Variants in DTNA observed in about 807,000 individuals in gnomAD.
DTNA encodes dystrophin-related protein 3.
Under a neutral mutation model 100.7 loss-of-function variants are expected in DTNA, and 43 were observed. That is an observed-to-expected ratio of 0.43 (90% CI 0.33 to 0.55). The LOEUF is 0.55. Ranked by LOEUF, DTNA falls within the 20% of genes least tolerant of loss-of-function variation. The probability of loss-of-function intolerance (pLI) is 0.04; values close to 1 mark genes in which losing one functional copy is unlikely to be tolerated. For missense variants in DTNA, 798 were observed against 953.9 expected, an observed-to-expected ratio of 0.84 and a Z score of 2.15; for synonymous variants, 349 against 347.9, an observed-to-expected ratio of 1.00 and a Z score of -0.04.
intron 12 of DTNA, 21 bp downstream of exon 12, chr18:34,838,192 A>G (rs369835184): frequency 1.2e-6 from 2 of 1,612,792 alleles, no homozygotes; most frequent in African/African-American, 2.7e-5. Flanking sequence ...GCCAGAGTGT[A>G]CTGGAACCCT....
At chr18:34,517,087 C>G (rs2041696331) in intron 1 of DTNA, among the ~76,000 whole-genome samples, 2 of 152,040 alleles carry the variant, frequency 1.3e-5, no homozygotes, top group African/African-American at 4.8e-5. Context: ...AATTTATGTT[C>G]TTCTGCCATG....
At chr18:34,798,836 A>T (rs1034206760) in intron 4 of DTNA, among the ~76,000 whole-genome samples, 1 of 152,194 alleles carries the variant, frequency 6.6e-6, no homozygotes, top group Non-Finnish European at 1.5e-5. Flanking sequence ...ATGATTTTCC[A>T]GTAGAGGAGA....
intron 6 of DTNA, among the ~76,000 whole-genome samples, chr18:34,814,124 G>A (rs1301883059): frequency 6.6e-6 from 1 of 152,068 alleles, no homozygotes; most frequent in Non-Finnish European, 1.5e-5. Flanking sequence ...ATCTGTTAAT[G>A]TTATTCTTGT....
chr18:34,580,379 G>T (rs2048499845), intron 1 of DTNA, among the ~76,000 whole-genome samples: 1 of 151,782 alleles, frequency 6.6e-6, no homozygotes, highest in Non-Finnish European at 1.5e-5. Flanking sequence ...TTTTATAATT[G>T]TTTATTGTAT....
intron 17 of DTNA, among the ~76,000 whole-genome samples, chr18:34,869,633 G>T (rs1447431651): frequency 6.6e-6 from 1 of 152,178 alleles, no homozygotes; most frequent in Non-Finnish European, 1.5e-5. Flanking sequence ...CTATATGAGT[G>T]CAATGAAACA....
At chr18:34,549,113 T>C (rs547046322) in intron 1 of DTNA, among the ~76,000 whole-genome samples, 1 of 152,176 alleles carries the variant, frequency 6.6e-6, no homozygotes, top group East Asian at 1.9e-4. Flanking sequence ...TCACCCTCTT[T>C]CCCTTTCTCT....
intron 1 of DTNA, among the ~76,000 whole-genome samples, chr18:34,700,121 C>T (rs1048217901): frequency 6.6e-6 from 1 of 152,182 alleles, no homozygotes; most frequent in Admixed American, 6.5e-5. Context: ...CACCATAGAA[C>T]TCTAATTGGC....
intron 11 of DTNA, among the ~76,000 whole-genome samples, chr18:34,830,627 G>A (rs951624390): frequency 2.6e-5 from 4 of 152,048 alleles, no homozygotes; most frequent in South Asian, 4.1e-4. Flanking sequence ...AAAAAAAAGC[G>A]ATTCTCAAAG....
intron 1 of DTNA, among the ~76,000 whole-genome samples, chr18:34,734,272 C>G (rs1451679091): frequency 6.6e-6 from 1 of 151,998 alleles, no homozygotes; most frequent in Non-Finnish European, 1.5e-5. Context: ...AGACAAAGGT[C>G]GAAAGGCTGA....
chr18:34,588,707 G>T (rs2049387149), intron 1 of DTNA, among the ~76,000 whole-genome samples: 1 of 151,934 alleles, frequency 6.6e-6, no homozygotes, highest in South Asian at 2.1e-4. Context: ...GTGTGTGTGT[G>T]TAGATTATGA....
chr18:34,848,269 G>A (rs768922667), intron 13 of DTNA, 27 bp from the exon 14 acceptor site: 4 of 1,611,324 alleles, frequency 2.5e-6, no homozygotes, highest in African/African-American at 2.7e-5. Flanking sequence ...TTGCCTAACG[G>A]TCTCCTTCTT....
At chr18:34,885,723 C>T (rs2096915846) in intron 22 of DTNA, among the ~76,000 whole-genome samples, 1 of 152,188 alleles carries the variant, frequency 6.6e-6, no homozygotes, top group Non-Finnish European at 1.5e-5. Context: ...GTGGAAGGCA[C>T]ATTATCATTT....
intron 1 of DTNA, among the ~76,000 whole-genome samples, chr18:34,730,994 A>C (rs2147302497): frequency 6.6e-6 from 1 of 152,298 alleles, no homozygotes; most frequent in African/African-American, 2.4e-5. Flanking sequence ...AGGAACACAA[A>C]TATTTTCCCT....
intron 1 of DTNA, among the ~76,000 whole-genome samples, chr18:34,642,167 G>A (rs1289305667): frequency 1.3e-5 from 2 of 152,160 alleles, no homozygotes; most frequent in African/African-American, 4.8e-5. Flanking sequence ...TCTGTGAGAA[G>A]CCACTGAGGC....
Position 34,789,598 on chromosome 18 carries a change from G to A in DTNA, c.149-4439G>A, listed in dbSNP as rs145751342. Among the ~76,000 whole-genome samples, 1,008 of 152,262 alleles carry A rather than the reference G, an allele frequency of 6.6e-3. 16 individuals carry two copies. Among genetic ancestry groups the A allele is most frequent in the Admixed American group, 0.021 (322 of 15,286 alleles). On this transcript the variant is annotated intron_variant, in intron 3 of 22. Coordinates refer to ENST00000444659, the MANE Select transcript of DTNA (RefSeq NM_001386795.1). ...CCAGACTGTTAGCTCCCATAGGCAG[G>A]AACCACATCTATATTGTTTGTATTG...
chr18:34,865,588 T>TACCCAAGC (rs2096690079), intron 17 of DTNA, among the ~76,000 whole-genome samples: 1 of 152,232 alleles, frequency 6.6e-6, no homozygotes, highest in African/African-American at 2.4e-5. Flanking sequence ...AAGACAAGAC[T>TACCCAAGC]AGATAGTTCA....
At position 34,496,774 on chromosome 18, in the gene DTNA, A is replaced by G. The variant is rs572823022; in HGVS notation, c.-2+3260A>G. ...TCTATTAAAGGATTCTGGACTAGAC[A>G]TGGAGGTCAGAACAAGATGCCTGAA... On this transcript the variant is annotated intron_variant, in intron 1 of 19. Transcript: ENST00000283365. Among the ~76,000 whole-genome samples the G allele has an allele frequency of 1.1e-4, 16 of 152,348 alleles. No homozygotes were observed. The South Asian group carries it at 2.9e-3, about 28-fold the overall frequency.
chr18:34,558,506 C>T (rs1341154121), intron 1 of DTNA, among the ~76,000 whole-genome samples: 1 of 152,092 alleles, frequency 6.6e-6, no homozygotes, highest in Non-Finnish European at 1.5e-5. Flanking sequence ...AACAAAAATA[C>T]GTTACTGCCC....
intron 1 of DTNA, among the ~76,000 whole-genome samples, chr18:34,566,238 C>T (rs932871405): frequency 2.0e-5 from 3 of 151,106 alleles, no homozygotes; most frequent in Non-Finnish European, 4.4e-5. Context: ...ATAGGGAAAC[C>T]AGCAGAGAAG....
Sources: gnomAD v4.1 joint callset for allele counts (sites outside exome capture counted in the v4.1 genomes callset) on GRCh38, gnomAD v4.1.1 for gene constraint, MANE v1.5 for transcripts, NCBI Gene and HGNC (gene_info 2026-07-23, HGNC 2026-07-21) for gene names.